PIWIL1: variants seen among roughly 807,000 people sequenced by gnomAD.
PIWIL1 encodes piwi like RNA-mediated gene silencing 1, also known as piwi-like protein 1.
Under a neutral mutation model 114.4 loss-of-function variants are expected in PIWIL1, and 73 were observed. That is an observed-to-expected ratio of 0.64 (90% CI 0.53 to 0.78). The LOEUF (loss-of-function observed/expected upper bound fraction) is 0.78. PIWIL1 is among the 30% of genes least tolerant of loss of function. PIWIL1 has a pLI of 0.00. For missense variants in PIWIL1, 723 were observed against 1,063.1 expected (o/e 0.68, Z 4.45); for synonymous variants, 375 against 369.0 (o/e 1.02, Z -0.19).
rs564089306 is a variant in PIWIL1, at chr12:130,358,277, C to T, written c.1665+724C>T. Among the ~76,000 whole-genome samples, 5 of 152,230 alleles carry T rather than the reference C, an allele frequency of 3.3e-5. No individual in the cohort carries two copies. In the East Asian group the frequency reaches 5.8e-4, roughly 18 times the overall value. ...TTAGATGATGGCAGCCACTTAATGA[C>T]GGGTGGTTTTCATTGGTGATCTGAA... On this transcript the variant is annotated intron_variant, in intron 14 of 20. Coordinates refer to ENST00000245255, the MANE Select transcript of PIWIL1 (RefSeq NM_004764.5).
At chr12:130,418,972 A>C in the PIWIL1 span, among the ~76,000 whole-genome samples, 1 of 152,184 alleles carries the variant, frequency 6.6e-6, no homozygotes, top group Non-Finnish European at 1.5e-5. Context: ...TTTGGGGGGA[A>C]GACAGGTGTG....
the PIWIL1 span, among the ~76,000 whole-genome samples, chr12:130,413,400 C>A: frequency 0.32 from 49,221 of 151,838 alleles, 8,401 homozygotes; most frequent in African/African-American, 0.44. Context: ...GAGGCCAAGG[C>A]GGGCAGATCA....
chr12:130,362,951 T>C, intron 17 of PIWIL1, 40 bp from the exon 18 acceptor site: 1 of 1,612,256 alleles, frequency 6.2e-7, no homozygotes, highest in South Asian at 1.1e-5. Context: ...AGTTGTGTCG[T>C]AGGCATGAAT....
the PIWIL1 span, among the ~76,000 whole-genome samples, chr12:130,422,248 G>A: frequency 1.3e-5 from 2 of 152,218 alleles, no homozygotes; most frequent in African/African-American, 2.4e-5. The surrounding 1 kb of genome is among the most constrained non-coding windows in gnomAD (Gnocchi z 5.2). Flanking sequence ...GAACATGGAT[G>A]TAGAAGGCCA....
At chr12:130,415,959 C>CCACA in the PIWIL1 span, among the ~76,000 whole-genome samples, 1,965 of 81,560 alleles carry the variant, frequency 0.024, 47 homozygotes, top group African/African-American at 0.11. Flanking sequence ...TTGACAATAG[C>CCACA]CACACACACA....
At chr12:130,356,131 T>C (rs2073359085) in intron 12 of PIWIL1, among the ~76,000 whole-genome samples, 1 of 151,962 alleles carries the variant, frequency 6.6e-6, no homozygotes, top group South Asian at 2.1e-4. Flanking sequence ...ACTAAAATGA[T>C]GGAAAATCCC....
the PIWIL1 span, among the ~76,000 whole-genome samples, chr12:130,382,026 C>A: frequency 6.6e-6 from 1 of 152,130 alleles, no homozygotes; most frequent in African/African-American, 2.4e-5. Flanking sequence ...TGTAAGAGTT[C>A]TTTGCATATT....
chr12:130,414,265 C>G, the PIWIL1 span: 1 of 1,611,274 alleles, frequency 6.2e-7, no homozygotes, highest in South Asian at 1.1e-5. Flanking sequence ...GTTTCTGACT[C>G]TTCATAGAAG....
At chr12:130,404,969 A>G in the PIWIL1 span, among the ~76,000 whole-genome samples, 4 of 152,184 alleles carry the variant, frequency 2.6e-5, no homozygotes, top group African/African-American at 9.7e-5. Flanking sequence ...TAAAGTAGGG[A>G]AAGTGCAGAT....
At chr12:130,340,647 GGGGGGAGGGGGGTT>G (rs2072891149) in intron 1 of PIWIL1, among the ~76,000 whole-genome samples, 1 of 4,086 alleles carries the variant, frequency 2.4e-4, no homozygotes, top group Non-Finnish European at 5.3e-4. Context: ...GAGGGGGGGT[GGGGGGAGGGGGGTT>G]GGTGGTGGTG....
the PIWIL1 span, among the ~76,000 whole-genome samples, chr12:130,410,662 G>A: frequency 6.6e-6 from 1 of 152,122 alleles, no homozygotes; most frequent in South Asian, 2.1e-4. Flanking sequence ...CAAAATCAGT[G>A]GACTCCATAT....
At chr12:130,360,668 C>G (rs988616015) in intron 14 of PIWIL1, among the ~76,000 whole-genome samples, 3 of 152,158 alleles carry the variant, frequency 2.0e-5, no homozygotes, top group African/African-American at 7.2e-5. Flanking sequence ...GAAAGTTAAA[C>G]TTGGATGCCC....
the PIWIL1 span, among the ~76,000 whole-genome samples, chr12:130,418,100 C>A: frequency 6.6e-6 from 1 of 152,182 alleles, no homozygotes; most frequent in Non-Finnish European, 1.5e-5. Context: ...AACCGTTTGG[C>A]CTCTTTCACC....
the PIWIL1 span, among the ~76,000 whole-genome samples, chr12:130,390,004 G>T: frequency 7.9e-4 from 121 of 152,242 alleles, 1 homozygote; most frequent in East Asian, 0.022. Context: ...AGTAGCCAGG[G>T]TTAATTTACC....
chr12:130,417,246 C>G, the PIWIL1 span, among the ~76,000 whole-genome samples: 1 of 152,032 alleles, frequency 6.6e-6, no homozygotes, highest in African/African-American at 2.4e-5. Context: ...GGTATATACC[C>G]AAAGGAAAAG....
the PIWIL1 span, among the ~76,000 whole-genome samples, chr12:130,415,594 T>G: frequency 3.3e-5 from 5 of 152,122 alleles, no homozygotes; most frequent in Admixed American, 3.3e-4. Context: ...ATATAGGAAA[T>G]AAGAAGTCAA....
intron 13 of PIWIL1, 107 bp from the exon 14 acceptor site, chr12:130,357,374 T>G: frequency 1.2e-6 from 1 of 832,558 alleles, no homozygotes; most frequent in Non-Finnish European, 1.9e-6. Context: ...GGTGTTTGAT[T>G]TCATGTTTTA....
At chr12:130,345,564 A>C (rs2073047586) in intron 3 of PIWIL1, 189 bp from the exon 4 acceptor site, 1 of 557,120 alleles carries the variant, frequency 1.8e-6, no homozygotes, top group South Asian at 2.4e-5. Flanking sequence ...TTTATGAATG[A>C]AGTTATAACT....
At chr12:130,412,079 G>A in the PIWIL1 span, among the ~76,000 whole-genome samples, 1 of 152,006 alleles carries the variant, frequency 6.6e-6, no homozygotes, top group Non-Finnish European at 1.5e-5. Context: ...ACTCATAAAT[G>A]TAATGTTGCT....
Sources: gnomAD v4.1 joint callset for allele counts (sites outside exome capture counted in the v4.1 genomes callset) on GRCh38, gnomAD v4.1.1 for gene constraint, Gnocchi (gnomAD v3.1) non-coding constraint, MANE v1.5 for transcripts, NCBI Gene and HGNC (gene_info 2026-07-23, HGNC 2026-07-21) for gene names.